RNGTT: variants seen among roughly 807,000 people sequenced by gnomAD.
RNGTT encodes mRNA-capping enzyme.
RNGTT carries 33 observed loss-of-function variants against 79.3 expected under a neutral mutation model. The ratio of observed to expected loss-of-function variants is 0.42; its 90% CI spans 0.32 to 0.56. The LOEUF is 0.56. RNGTT is among the 20% of genes least tolerant of loss of function. The pLI, the probability that RNGTT is intolerant of heterozygous loss-of-function variation, is 0.17. For synonymous variants in RNGTT, 222 were observed against 235.9 expected (o/e 0.94, Z 0.54); for missense variants, 497 against 739.1 (o/e 0.67, Z 3.80).
chr6:88,863,933 A>C (rs1249905352), intron 8 of RNGTT, among the ~76,000 whole-genome samples: 1 of 152,030 alleles, frequency 6.6e-6, no homozygotes, highest in Non-Finnish European at 1.5e-5. Context: ...GGAACCAAAA[A>C]TCTCATCCAA....
rs190781126 is a variant in RNGTT, at chr6:88,907,669, C to T, written c.368-1229G>A. ...ACAATATTGCTGACTCTCCTACAGTCTTCAAAATGAAGCTTTTCCTGTTAT... is the reference window on the plus strand; with the variant it reads ...ACAATATTGCTGACTCTCCTACAGTTTTCAAAATGAAGCTTTTCCTGTTAT... On this transcript the variant is annotated intron_variant, in intron 4 of 15. Transcript: ENST00000369485. 3.1e-3 allele frequency among the ~76,000 whole-genome samples: 464 copies of T among 150,648 alleles called. 3 individuals carry two copies. Among genetic ancestry groups the T allele is most frequent in the African/African-American group, 0.011 (444 of 41,110 alleles).
At chr6:88,812,133 C>T (rs9344878) in intron 11 of RNGTT, among the ~76,000 whole-genome samples, 19,235 of 152,174 alleles carry the variant, frequency 0.13, 1,394 homozygotes, top group Middle Eastern at 0.23. Context: ...GACTTGATTG[C>T]CACTATTTAC....
intron 14 of RNGTT, among the ~76,000 whole-genome samples, chr6:88,657,674 C>G (rs1316325126): frequency 2.6e-5 from 4 of 152,058 alleles, no homozygotes; most frequent in Non-Finnish European, 5.9e-5. Context: ...GTCAAGATCT[C>G]AGTTCTGCTT....
At chr6:88,949,158 T>TAAAAAAAAAAAAAAAAAA (rs1491197999) in intron 1 of RNGTT, among the ~76,000 whole-genome samples, 5 of 18,006 alleles carry the variant, frequency 2.8e-4, no homozygotes, top group Non-Finnish European at 4.5e-4. Context: ...TAAAATAAAA[T>TAAAAAAAAAAAAAAAAAA]GAAAAAAAAA....
At chr6:88,863,748 G>A (rs1418566749) in intron 8 of RNGTT, among the ~76,000 whole-genome samples, 2 of 152,098 alleles carry the variant, frequency 1.3e-5, no homozygotes, top group East Asian at 1.9e-4. Flanking sequence ...CAAGTGTAAG[G>A]AAGGAGCAAA....
At chr6:88,862,109 G>A (rs552043517) in intron 8 of RNGTT, among the ~76,000 whole-genome samples, 113 of 152,190 alleles carry the variant, frequency 7.4e-4, no homozygotes, top group Non-Finnish European at 1.3e-3. Context: ...TTCTTCAACC[G>A]TTTCCTGGCA....
chr6:88,912,712 C>T (rs1783865731), intron 4 of RNGTT, among the ~76,000 whole-genome samples: 1 of 151,996 alleles, frequency 6.6e-6, no homozygotes, highest in Non-Finnish European at 1.5e-5. Context: ...GGTGACATTA[C>T]GACCAACCAC....
intron 14 of RNGTT, among the ~76,000 whole-genome samples, chr6:88,658,339 T>A (rs1199878271): frequency 1.3e-5 from 2 of 152,068 alleles, no homozygotes; most frequent in Admixed American, 1.3e-4. Context: ...TCCTACAGAG[T>A]TCACTTCAGT....
chr6:88,932,605 C>G (rs966538553), intron 2 of RNGTT, among the ~76,000 whole-genome samples: 8 of 152,166 alleles, frequency 5.3e-5, no homozygotes, highest in African/African-American at 1.9e-4. Flanking sequence ...CTTTATTTCT[C>G]AGACCGGCCG....
intron 14 of RNGTT, among the ~76,000 whole-genome samples, chr6:88,635,032 G>A (rs1197788042): frequency 6.6e-6 from 1 of 152,002 alleles, no homozygotes; most frequent in Non-Finnish European, 1.5e-5. Flanking sequence ...TGTGGATGGA[G>A]AATTGAGGTT....
At chr6:88,828,595 C>T (rs1235827827) in intron 11 of RNGTT, among the ~76,000 whole-genome samples, 1 of 151,934 alleles carries the variant, frequency 6.6e-6, no homozygotes, top group African/African-American at 2.4e-5. Context: ...CAAACTCCTC[C>T]GAGCTAAAGA....
intron 13 of RNGTT, among the ~76,000 whole-genome samples, chr6:88,754,289 A>T (rs1013440697): frequency 6.6e-6 from 1 of 152,160 alleles, no homozygotes; most frequent in Non-Finnish European, 1.5e-5. Context: ...AAATCCTGAG[A>T]AGAGTACAGG....
intron 14 of RNGTT, among the ~76,000 whole-genome samples, chr6:88,621,149 A>G (rs1214918509): frequency 6.6e-6 from 1 of 152,206 alleles, no homozygotes; most frequent in Non-Finnish European, 1.5e-5. Flanking sequence ...CTTTTCATTC[A>G]TCCTTTCTGA....
At chr6:88,691,688 T>C (rs1265753674) in intron 13 of RNGTT, among the ~76,000 whole-genome samples, 3 of 152,166 alleles carry the variant, frequency 2.0e-5, no homozygotes. Context: ...GTTAGTTACA[T>C]AAAATTTCAT....
intron 12 of RNGTT, among the ~76,000 whole-genome samples, chr6:88,780,981 G>C (rs763017368): frequency 6.6e-6 from 1 of 152,274 alleles, no homozygotes; most frequent in African/African-American, 2.4e-5. Flanking sequence ...TGGGGAGGGG[G>C]TGCTACTGCC....
At chr6:88,758,852 T>TA (rs1562237480) in intron 13 of RNGTT, among the ~76,000 whole-genome samples, 1 of 152,080 alleles carries the variant, frequency 6.6e-6, no homozygotes, top group Non-Finnish European at 1.5e-5. Context: ...GATTATTCTT[T>TA]TTTATTTATT....
intron 8 of RNGTT, among the ~76,000 whole-genome samples, chr6:88,877,999 A>G (rs1275094816): frequency 6.6e-6 from 1 of 152,210 alleles, no homozygotes; most frequent in Non-Finnish European, 1.5e-5. Flanking sequence ...CTAAACATTA[A>G]CTGAGTCCTA....
At chr6:88,649,027 C>T (rs142325760) in intron 14 of RNGTT, among the ~76,000 whole-genome samples, 2 of 152,244 alleles carry the variant, frequency 1.3e-5, no homozygotes, top group Non-Finnish European at 2.9e-5. Context: ...CAATGTACAG[C>T]AGGTCCTTGA....
intron 11 of RNGTT, among the ~76,000 whole-genome samples, chr6:88,811,201 G>T (rs1239888132): frequency 6.6e-6 from 1 of 152,156 alleles, no homozygotes; most frequent in Non-Finnish European, 1.5e-5. Flanking sequence ...ATCCTTTTCA[G>T]AATTACAATT....
Sources: allele counts gnomAD v4.1 joint callset (sites outside exome capture counted in the v4.1 genomes callset), GRCh38; gene constraint gnomAD v4.1.1; transcripts MANE v1.5; gene names NCBI Gene and HGNC (gene_info 2026-07-23, HGNC 2026-07-21).